Variants in NME2 observed in about 807,000 individuals in gnomAD.
NME2 encodes the protein NME/NM23 nucleoside diphosphate kinase 2.
Under a neutral mutation model 17.8 loss-of-function variants are expected in NME2, and 18 were observed. That is an observed-to-expected ratio of 1.01 (90% CI 0.70 to 1.50). The LOEUF is 1.50. NME2 is among the 40% of genes most tolerant of loss of function. The pLI is 0.00. For synonymous variants in NME2, 74 were observed against 71.4 expected, an observed-to-expected ratio of 1.04 and a Z score of -0.19; for missense variants, 161 against 195.6, an observed-to-expected ratio of 0.82 and a Z score of 1.05.
Position 51,166,848 on chromosome 17 carries a change from C to G in NME2, c.18C>G (p.Arg6=). 6.2e-7 allele frequency: 1 copy of G among 1,613,332 alleles called. No individual in the cohort carries two copies. Among genetic ancestry groups the G allele is most frequent in the Non-Finnish European group, 8.5e-7 (1 of 1,179,644 alleles). ...GCAGGACCATGGCCAACCTGGAGCG[C>G]ACCTTCATCGCCATCAAGCCGGACG... MANLE[R]TFIAIKPDGV... Residue 6 remains arginine (R), a synonymous_variant, in exon 2 of 5, where the codon CGC becomes CGG. Coordinates refer to ENST00000512737, the MANE Select transcript of NME2 (RefSeq NM_002512.4).
intron 4 of NME2, 104 bp downstream of exon 4, chr17:51,170,153 T>C (rs1280094405): frequency 6.1e-6 from 6 of 990,724 alleles, no homozygotes; most frequent in Non-Finnish European, 8.5e-6. Context: ...TTTTTTTTTT[T>C]TTTTTTTCTT....
chr17:51,171,386 C>A, intron 4 of NME2, 101 bp from the exon 5 acceptor site: 1 of 940,138 alleles, frequency 1.1e-6, no homozygotes, highest in Non-Finnish European at 1.6e-6. Context: ...CTTCAAGTGG[C>A]AATTTGGCTG....
At chr17:51,166,656 T>C in intron 1 of NME2, 159 bp downstream of exon 1, 2 of 553,172 alleles carry the variant, frequency 3.6e-6, no homozygotes, top group Non-Finnish European at 5.2e-6. Context: ...CCCGCGGGCC[T>C]TCGGGCTCCG....
intron 2 of NME2, chr17:51,167,423 A>C: frequency 5.2e-6 from 1 of 193,450 alleles, no homozygotes; most frequent in South Asian, 7.7e-5. Flanking sequence ...ACAGATCTGA[A>C]TCCCTACACT....
rs2050072306 is a variant in NME2 at position 51,171,647 on chromosome 17, G to C, written c.*43G>C. The C allele has an allele frequency of 7.0e-6, 10 of 1,426,528 alleles. No individual in the cohort carries two copies. The highest frequency in any genetic ancestry group is 9.8e-6 in the Non-Finnish European group (10 of 1,015,634). The allele number at this position is 1,426,528 out of a possible 1,614,324, so 88.4% of individuals were successfully genotyped here. A position where few individuals can be genotyped will look rare whatever the true frequency, so the allele number is the denominator to read the frequency against. On this transcript the variant is annotated 3_prime_UTR_variant, in exon 5 of 5. Coordinates refer to ENST00000512737, the MANE Select transcript of NME2 (RefSeq NM_002512.4). ...AGTCTCCTTCAGCACGGCGTGGTGT[G>C]TCCCTGGACACAGCTCTTCATTCCA...
chr17:51,170,862 A>T (rs2050057168), intron 4 of NME2, among the ~76,000 whole-genome samples: 1 of 151,438 alleles, frequency 6.6e-6, no homozygotes, highest in Admixed American at 6.6e-5. Context: ...ACAACAAGGG[A>T]GCCATAAGTG....
intron 2 of NME2, 56 bp from the exon 3 acceptor site, chr17:51,168,186 A>G (rs2049987108): frequency 1.9e-6 from 3 of 1,579,124 alleles, no homozygotes; most frequent in Non-Finnish European, 1.7e-6. Flanking sequence ...GGTTCAGAGG[A>G]TGGGTTGGAG....
intron 2 of NME2, chr17:51,168,022 A>C (rs2049983874): frequency 6.6e-6 from 2 of 304,738 alleles, no homozygotes; most frequent in South Asian, 1.4e-4. Flanking sequence ...CACCAAAAAA[A>C]GAACAGTCTT....
At chr17:51,170,183 C>T (rs1598252936) in intron 4 of NME2, 134 bp downstream of exon 4, 2 of 706,578 alleles carry the variant, frequency 2.8e-6, no homozygotes. Flanking sequence ...TCTCCTTCTG[C>T]CTAGCTGGAG....
intron 1 of NME2, 33 bp downstream of exon 1, chr17:51,166,530 C>T (rs751028031): frequency 3.1e-4 from 63 of 201,542 alleles, no homozygotes; most frequent in Non-Finnish European, 4.7e-4. Context: ...CCTGGCGACT[C>T]CTCCCGTTCC....
chr17:51,168,979 AT>A (rs1475096468), intron 3 of NME2, among the ~76,000 whole-genome samples: 1 of 152,064 alleles, frequency 6.6e-6, no homozygotes, highest in Admixed American at 6.5e-5. Flanking sequence ...ATAATACTCA[AT>A]TTCTTCTGTT....
rs184614338 is a variant in NME2, at chr17:51,171,639, C to T, written c.*35C>T. ...ACAACAGCAGTCTCCTTCAGCACGG[C>T]GTGGTGTGTCCCTGGACACAGCTCT... On this transcript the variant is annotated 3_prime_UTR_variant, in exon 5 of 5. Transcript: ENST00000512737. 1.9e-5 allele frequency: 28 copies of T among 1,506,012 alleles called. No homozygotes were observed. The East Asian group carries it at 2.9e-4, about 16-fold the overall frequency. 93.3% of individuals were successfully genotyped at this position (1,506,012 alleles called of 1,614,324 possible). A position where few individuals can be genotyped will look rare whatever the true frequency, so the allele number is the denominator to read the frequency against.
rs755823853 is a variant in NME2, at chr17:51,166,876, G to GTGC, written c.47_49dup (p.Val16_Gln17insLeu). 3 of 1,613,702 alleles carry GTGC rather than the reference G, an allele frequency of 1.9e-6. No individual in the cohort carries two copies. The highest frequency in any genetic ancestry group is 1.1e-5 in the South Asian group (1 of 91,080). ...CTTCATCGCCATCAAGCCGGACGGC[G>GTGC]TGCAGCGCGGCCTGGTGGGCGAGAT... On this transcript the variant is annotated inframe_insertion, in exon 2 of 5. Coordinates refer to ENST00000512737, the MANE Select transcript of NME2 (RefSeq NM_002512.4).
intron 2 of NME2, chr17:51,167,394 T>C: frequency 4.8e-6 from 1 of 208,566 alleles, no homozygotes; most frequent in South Asian, 6.0e-5. Context: ...GAGTGTATTT[T>C]CCACATTAAA....
intron 4 of NME2, 59 bp downstream of exon 4, chr17:51,170,108 CA>C: frequency 8.6e-7 from 1 of 1,163,356 alleles, no homozygotes; most frequent in South Asian, 1.5e-5. Flanking sequence ...AAGCAGACGT[CA>C]TGGCGTATCC....
chr17:51,167,103 G>T, intron 2 of NME2, 147 bp downstream of exon 2: 1 of 1,513,650 alleles, frequency 6.6e-7, no homozygotes, highest in Non-Finnish European at 8.8e-7. Context: ...CGGCGGCTTG[G>T]GCCCGCCGAC....
Position 51,166,891 on chromosome 17 carries a change from G to A in NME2, c.61G>A (p.Val21Met), listed in dbSNP as rs779263196. Residue 21 changes from valine to methionine, a missense_variant, in exon 2 of 5, where the codon GTG becomes ATG. By Grantham distance (21) the Val-to-Met change is conservative. Coordinates refer to ENST00000512737, the MANE Select transcript of NME2 (RefSeq NM_002512.4). Reference protein sequence around the residue: ...IKPDGVQRGLVGEIIKRFEQK... With the variant: ...IKPDGVQRGLMGEIIKRFEQK... The stretch of plus-strand genomic sequence containing the variant: ...GCCGGACGGCGTGCAGCGCGGCCTG[G>A]TGGGCGAGATCATCAAGCGCTTCGA... The A allele has an allele frequency of 1.2e-6, 2 of 1,613,806 alleles. No individual in the cohort carries two copies. The highest frequency in any genetic ancestry group is 1.7e-6 in the Non-Finnish European group (2 of 1,179,846).
At position 51,166,800 on chromosome 17, in the gene NME2, G is replaced by T. The variant is rs749547313; in HGVS notation, c.-4-27G>T. ...GGGCCCCGCCAGAGCCTGCGCCCGG[G>T]CCCTGACCGCACCTCTCGCCCCGCA... On this transcript the variant is annotated intron_variant, in intron 1 of 4. Transcript: ENST00000512737. 1.3e-5 allele frequency: 21 copies of T among 1,592,310 alleles called. No homozygotes were observed. The South Asian group carries it at 2.2e-4, about 17-fold the overall frequency.
intron 1 of NME2, 121 bp from the exon 2 acceptor site, chr17:51,166,706 G>T: frequency 9.1e-7 from 1 of 1,100,936 alleles, no homozygotes; most frequent in Non-Finnish European, 1.2e-6. Flanking sequence ...AAGCGGCCGG[G>T]AAGCCACGTG....
Sources: allele counts gnomAD v4.1 joint callset (sites outside exome capture counted in the v4.1 genomes callset), GRCh38; gene constraint gnomAD v4.1.1; transcripts MANE v1.5; gene names NCBI Gene and HGNC (gene_info 2026-07-23, HGNC 2026-07-21).